Variants in ATP8A1 observed in about 807,000 individuals in gnomAD.
ATP8A1 encodes phospholipid-transporting ATPase IA.
Under a neutral mutation model 177.7 loss-of-function variants are expected in ATP8A1, and 90 were observed. That is an observed-to-expected ratio of 0.51 (90% CI 0.43 to 0.60). The LOEUF (loss-of-function observed/expected upper bound fraction) is 0.60, where lower values mean the gene tolerates loss of function less well. Ranked by LOEUF, ATP8A1 falls within the 20% of genes least tolerant of loss-of-function variation. The pLI, the probability that ATP8A1 is intolerant of heterozygous loss-of-function variation, is 0.00. For missense variants in ATP8A1, 1,072 were observed against 1,392.8 expected (o/e 0.77, Z 3.67); for synonymous variants, 493 against 485.9 (o/e 1.01, Z -0.19).
chr4:42,490,629 C>A lies in ATP8A1; in HGVS notation c.2152-4961G>T, dbSNP rs1414873421. Reference sequence around the variant, plus strand: ...CTCTAGTTCTTGAGCTGGGGTAACACCTGCCTTCTCACCTTTTGTTTCTTT... The same window carrying A: ...CTCTAGTTCTTGAGCTGGGGTAACAACTGCCTTCTCACCTTTTGTTTCTTT... On this transcript the variant is annotated intron_variant, in intron 24 of 36. Coordinates refer to ENST00000381668, the MANE Select transcript of ATP8A1 (RefSeq NM_006095.2). Among the ~76,000 whole-genome samples the A allele has an allele frequency of 2.0e-5, 3 of 152,172 alleles. 1 individual carries two copies. Among genetic ancestry groups the A allele is most frequent in the South Asian group, 4.1e-4 (2 of 4,826 alleles).
intron 5 of ATP8A1, among the ~76,000 whole-genome samples, chr4:42,615,071 C>T (rs114726234): frequency 0.018 from 2,760 of 152,262 alleles, 71 homozygotes; most frequent in African/African-American, 0.062. Flanking sequence ...TTACATGTAC[C>T]TATTTCAACA....
chr4:42,579,162 T>C (rs1445022766), intron 11 of ATP8A1, among the ~76,000 whole-genome samples: 1 of 151,826 alleles, frequency 6.6e-6, no homozygotes. Context: ...GGGTGGTACA[T>C]TAATATCACA....
intron 21 of ATP8A1, among the ~76,000 whole-genome samples, chr4:42,523,853 T>C (rs1048254517): frequency 6.6e-6 from 1 of 152,214 alleles, no homozygotes; most frequent in Admixed American, 6.5e-5. Flanking sequence ...GCACAGAGGT[T>C]TTTCAAAAGC....
intron 5 of ATP8A1, among the ~76,000 whole-genome samples, chr4:42,602,695 C>T (rs554124875): frequency 1.6e-4 from 24 of 152,052 alleles, no homozygotes; most frequent in South Asian, 1.0e-3. Context: ...CTTGACCCCG[C>T]GAGGGGGAGG....
In ATP8A1 at chr4:42,657,061, G is replaced by C. The variant is rs995828741; in HGVS notation, c.-188C>G. 4 of 502,322 alleles carry C rather than the reference G, an allele frequency of 8.0e-6. No homozygotes were observed. Among genetic ancestry groups the C allele is most frequent in the Non-Finnish European group, 1.2e-5 (4 of 323,382 alleles). The allele number at this position is 502,322 out of a possible 1,614,324, so 31.1% of individuals were successfully genotyped here. ...CCGACAGGAGGAGGAGAAAGGCAGC[G>C]GTGGCGGCGAAGGTGGCGGCGCCCG... is the stretch of plus-strand genomic sequence containing the variant. On this transcript the variant is annotated 5_prime_UTR_variant, in exon 1 of 37. Coordinates refer to ENST00000381668, the MANE Select transcript of ATP8A1 (RefSeq NM_006095.2).
intron 5 of ATP8A1, among the ~76,000 whole-genome samples, chr4:42,603,744 C>A (rs1235757988): frequency 6.6e-6 from 1 of 152,182 alleles, no homozygotes; most frequent in African/African-American, 2.4e-5. Flanking sequence ...GTTCAAGGAA[C>A]CACCCCCTCC....
At chr4:42,477,217 G>A (rs937500877) in intron 25 of ATP8A1, among the ~76,000 whole-genome samples, 9 of 152,158 alleles carry the variant, frequency 5.9e-5, no homozygotes, top group African/African-American at 1.9e-4. Flanking sequence ...AGCAGAAACT[G>A]AGAAAGGTAA....
chr4:42,522,759 C>T (rs1391795675), intron 21 of ATP8A1, among the ~76,000 whole-genome samples: 1 of 152,190 alleles, frequency 6.6e-6, no homozygotes, highest in Non-Finnish European at 1.5e-5. Context: ...TGCCCACTGT[C>T]TGCCTTGCAA....
intron 6 of ATP8A1, among the ~76,000 whole-genome samples, chr4:42,596,666 C>CAAAAAAAAAA (rs71648737): frequency 1.4e-5 from 1 of 74,024 alleles, no homozygotes. Flanking sequence ...GACTCCATCT[C>CAAAAAAAAAA]AAAAAAAAAA....
intron 1 of ATP8A1, 136 bp downstream of exon 1, chr4:42,656,689 C>T: frequency 9.2e-7 from 1 of 1,090,738 alleles, no homozygotes; most frequent in Non-Finnish European, 1.3e-6. Flanking sequence ...GAAGGGTCCC[C>T]TAGGGGCCGG....
intron 1 of ATP8A1, among the ~76,000 whole-genome samples, chr4:42,640,300 T>C (rs1024120705): frequency 2.6e-5 from 4 of 152,234 alleles, no homozygotes; most frequent in Admixed American, 1.3e-4. Context: ...AGCTTAATTA[T>C]TTTGAAAGCA....
At chr4:42,524,894 T>C (rs747282796) in intron 20 of ATP8A1, 47 bp from the exon 21 acceptor site, 2 of 1,272,776 alleles carry the variant, frequency 1.6e-6, no homozygotes, top group East Asian at 4.7e-5. Flanking sequence ...GCATTCTGGG[T>C]TTAATAAAGT....
intron 25 of ATP8A1, among the ~76,000 whole-genome samples, chr4:42,483,247 T>C (rs1389738194): frequency 1.3e-5 from 2 of 152,126 alleles, no homozygotes; most frequent in South Asian, 4.1e-4. Context: ...AATCCGGCAG[T>C]GGCACTGATG....
intron 1 of ATP8A1, among the ~76,000 whole-genome samples, chr4:42,654,123 C>T (rs1413424492): frequency 6.6e-6 from 1 of 152,186 alleles, no homozygotes. Context: ...TATGAACCTT[C>T]GAGTTTGAGA....
intron 24 of ATP8A1, among the ~76,000 whole-genome samples, chr4:42,496,534 G>C (rs1278972518): frequency 5.9e-5 from 9 of 152,084 alleles, no homozygotes. Flanking sequence ...CTCAAAATAA[G>C]CAAATTACAA....
At chr4:42,482,261 C>G (rs1721751317) in intron 25 of ATP8A1, among the ~76,000 whole-genome samples, 1 of 151,646 alleles carries the variant, frequency 6.6e-6, no homozygotes, top group African/African-American at 2.4e-5. Flanking sequence ...GAGATCGCGC[C>G]ACTGCACTCT....
At chr4:42,641,065 T>G (rs2109546832) in intron 1 of ATP8A1, among the ~76,000 whole-genome samples, 1 of 151,078 alleles carries the variant, frequency 6.6e-6, no homozygotes, top group Admixed American at 6.6e-5. Flanking sequence ...AGAGGATCCC[T>G]TACAGTAAAT....
At chr4:42,641,012 A>C (rs896127647) in intron 1 of ATP8A1, among the ~76,000 whole-genome samples, 4 of 28,610 alleles carry the variant, frequency 1.4e-4, no homozygotes, top group East Asian at 1.1e-3. Context: ...CCTCACCAGA[A>C]AAAAAAAAAA....
At chr4:42,609,390 A>G (rs1194858560) in intron 5 of ATP8A1, among the ~76,000 whole-genome samples, 1 of 152,066 alleles carries the variant, frequency 6.6e-6, no homozygotes, top group African/African-American at 2.4e-5. Context: ...GACCAGCAAT[A>G]CCCTATTCTC....
Sources: gnomAD v4.1 joint callset for allele counts (sites outside exome capture counted in the v4.1 genomes callset) on GRCh38, gnomAD v4.1.1 for gene constraint, MANE v1.5 for transcripts, NCBI Gene and HGNC (gene_info 2026-07-23, HGNC 2026-07-21) for gene names.